TSHZ1: variants seen among roughly 807,000 people sequenced by gnomAD.
TSHZ1 encodes teashirt zinc finger homeobox 1.
A neutral mutation model predicts 67.1 loss-of-function variants in TSHZ1; 12 were observed. The ratio of observed to expected loss-of-function variants is 0.18; its 90% CI spans 0.11 to 0.29. The LOEUF is 0.29. Ranked by LOEUF, TSHZ1 falls within the 10% of genes least tolerant of loss-of-function variation. The pLI is 1.00. For missense variants in TSHZ1, 1,305 were observed against 1,413.9 expected (o/e 0.92, Z 1.23); for synonymous variants, 632 against 622.4 (o/e 1.02, Z -0.23).
chr18:75,239,279 C>T (rs1030619961), intron 1 of TSHZ1, among the ~76,000 whole-genome samples: 7 of 152,216 alleles, frequency 4.6e-5, no homozygotes, highest in African/African-American at 1.7e-4. Flanking sequence ...GTAATTGATG[C>T]TTCTGTATTA....
chr18:75,265,651 C>A (rs1360788336), intron 1 of TSHZ1, among the ~76,000 whole-genome samples: 2 of 152,220 alleles, frequency 1.3e-5, no homozygotes, highest in African/African-American at 4.8e-5. Flanking sequence ...AGATTCCCCA[C>A]ATAAAATTTA....
At chr18:75,273,255 TA>T (rs1321675492) in intron 1 of TSHZ1, among the ~76,000 whole-genome samples, 2 of 152,206 alleles carry the variant, frequency 1.3e-5, no homozygotes, top group Non-Finnish European at 1.5e-5. Flanking sequence ...TTATGGAATA[TA>T]AAACAGGATG....
At chr18:75,269,650 C>T (rs955160701) in intron 1 of TSHZ1, among the ~76,000 whole-genome samples, 3 of 152,242 alleles carry the variant, frequency 2.0e-5, no homozygotes, top group African/African-American at 7.2e-5. Context: ...AAAATTGATA[C>T]GATATATAAA....
At chr18:75,244,251 C>G (rs1390844614) in intron 1 of TSHZ1, among the ~76,000 whole-genome samples, 1 of 152,098 alleles carries the variant, frequency 6.6e-6, no homozygotes, top group Non-Finnish European at 1.5e-5. Context: ...ACGGTTGTGC[C>G]CCTTTTAACT....
In TSHZ1 at chr18:75,286,866, C is replaced by T; in HGVS notation, c.1459C>T (p.Pro487Ser). ...RLPASSIKKQ[P>S]DSPAGSTTSE... is the part of the protein sequence containing the mutation. Reference sequence around the variant, plus strand: ...GCCGGCCTCCAGCATCAAAAAGCAGCCCGACTCTCCCGCGGGGTCCACGAC... The same window carrying T: ...GCCGGCCTCCAGCATCAAAAAGCAGTCCGACTCTCCCGCGGGGTCCACGAC... The change falls in exon 2 of 2, where the codon CCC (proline) becomes TCC (serine). Residue 487 changes from proline (P) to serine (S), a missense_variant. Pro to Ser is a moderately conservative substitution (Grantham distance 74). Around this residue, in one of 3 missense-constraint regions of TSHZ1, gnomAD observed 909 missense variants for 961.8 expected, o/e 0.95. Transcript: ENST00000580243. This position sits in a 1 kb window ranked among gnomAD's most constrained non-coding sequence, Gnocchi z 5.1. 6.2e-7 allele frequency: 1 copy of T among 1,614,120 alleles called. No homozygotes were observed. Among genetic ancestry groups the T allele is most frequent in the South Asian group, 1.1e-5 (1 of 91,076 alleles).
chr18:75,242,515 C>G (rs944237754), intron 1 of TSHZ1, among the ~76,000 whole-genome samples: 1 of 152,206 alleles, frequency 6.6e-6, no homozygotes, highest in East Asian at 1.9e-4. Context: ...AATAGGTGGA[C>G]CATTTGTCAT....
At position 75,234,084 on chromosome 18, in the gene TSHZ1, C is replaced by A. The variant is rs1474144681; in HGVS notation, c.40+22168C>A. ...AGAAGATACTAATTTTAGATGGGCT[C>A]CCCTCTACACACAGAGAGAGAAGCT... On this transcript the variant is annotated intron_variant, in intron 1 of 1. Transcript: ENST00000580243. Among the ~76,000 whole-genome samples, 4 of 152,252 alleles carry A rather than the reference C, an allele frequency of 2.6e-5. No homozygotes were observed. In the East Asian group the frequency reaches 7.7e-4, roughly 29 times the overall value.
Position 75,286,968 on chromosome 18 carries a change from G to C in TSHZ1, c.1561G>C (p.Glu521Gln), listed in dbSNP as rs761213340. The C allele has an allele frequency of 1.9e-6, 3 of 1,614,134 alleles. No homozygotes were observed. The highest frequency in any genetic ancestry group is 1.7e-6 in the Non-Finnish European group (2 of 1,180,038). Residue 521 changes from glutamate to glutamine, a missense_variant, in exon 2 of 2, where the codon GAG becomes CAG. Physicochemically the swap from Glu to Gln is conservative, Grantham distance 29. This residue lies in a region of TSHZ1 where 909 missense variants were observed against 961.8 expected (regional missense o/e 0.95). Transcript: ENST00000580243. The surrounding 1 kb of genome is among the most constrained non-coding windows in gnomAD (Gnocchi z 5.1). ...CGCGGAGAAGATCAAGGAGGAGAGT[G>C]AGGACAGCTTGGAGAAATTTGAGCC... ...GDAEKIKEES[E>Q]DSLEKFEPST...
intron 1 of TSHZ1, among the ~76,000 whole-genome samples, chr18:75,224,549 A>G (rs541108627): frequency 6.6e-6 from 1 of 152,304 alleles, no homozygotes; most frequent in Admixed American, 6.5e-5. Context: ...GGAAGGGAGA[A>G]GTTTAAACAT....
chr18:75,271,208 T>TA (rs1167311714), intron 1 of TSHZ1, among the ~76,000 whole-genome samples: 1 of 152,100 alleles, frequency 6.6e-6, no homozygotes, highest in Non-Finnish European at 1.5e-5. Flanking sequence ...AAAATATCCT[T>TA]AGACTAGGAA....
At chr18:75,218,876 CTT>C (rs2022808298) in intron 1 of TSHZ1, among the ~76,000 whole-genome samples, 1 of 152,218 alleles carries the variant, frequency 6.6e-6, no homozygotes, top group Non-Finnish European at 1.5e-5. Context: ...AGTCAATACT[CTT>C]TGCTGGGAGG....
chr18:75,216,880 G>A (rs951856389), intron 1 of TSHZ1, among the ~76,000 whole-genome samples: 5 of 152,152 alleles, frequency 3.3e-5, no homozygotes, highest in African/African-American at 1.2e-4. Flanking sequence ...TGGTCCACTG[G>A]GCCGGGACCC....
chr18:75,285,373 C>G, intron 1 of TSHZ1, 75 bp from the exon 2 acceptor site: 2 of 1,403,908 alleles, frequency 1.4e-6, no homozygotes, highest in Non-Finnish European at 1.9e-6. Context: ...TTTTAAAGAT[C>G]ATCTAACTGC....
intron 1 of TSHZ1, among the ~76,000 whole-genome samples, chr18:75,223,684 T>G (rs1469832286): frequency 1.3e-5 from 2 of 151,950 alleles, no homozygotes; most frequent in Middle Eastern, 3.2e-3. Context: ...GGCATCCTTT[T>G]CCCACCTCCT....
chr18:75,229,598 GC>G (rs928924155), intron 1 of TSHZ1, among the ~76,000 whole-genome samples: 11 of 152,166 alleles, frequency 7.2e-5, no homozygotes, highest in African/African-American at 2.7e-4. Context: ...AGGGACTGAA[GC>G]CCCTCCTTGG....
chr18:75,257,706 G>C (rs984728287), intron 1 of TSHZ1, among the ~76,000 whole-genome samples: 2 of 152,002 alleles, frequency 1.3e-5, no homozygotes, highest in African/African-American at 4.8e-5. Context: ...TATTCCTGAT[G>C]AGGAAGCATC....
At chr18:75,275,784 G>A (rs1476470648) in intron 1 of TSHZ1, among the ~76,000 whole-genome samples, 1 of 152,198 alleles carries the variant, frequency 6.6e-6, no homozygotes, top group African/African-American at 2.4e-5. Context: ...AGGTCTTGGG[G>A]ATGACTAGCT....
At chr18:75,271,327 A>G (rs1395455857) in intron 1 of TSHZ1, among the ~76,000 whole-genome samples, 1 of 152,208 alleles carries the variant, frequency 6.6e-6, no homozygotes, top group Non-Finnish European at 1.5e-5. Flanking sequence ...TAGATCAAGG[A>G]GGAATACTGT....
intron 1 of TSHZ1, among the ~76,000 whole-genome samples, chr18:75,236,717 G>A (rs1261367510): frequency 6.6e-6 from 1 of 152,072 alleles, no homozygotes; most frequent in Non-Finnish European, 1.5e-5. Context: ...AAGTATTTTA[G>A]AGTTGCTGAA....
Sources: gnomAD v4.1 joint callset for allele counts (sites outside exome capture counted in the v4.1 genomes callset) on GRCh38, gnomAD v4.1.1 for gene constraint, gnomAD v4.1.1 regional missense constraint, Gnocchi (gnomAD v3.1) non-coding constraint, MANE v1.5 for transcripts, NCBI Gene and HGNC (gene_info 2026-07-23, HGNC 2026-07-21) for gene names.